ROBO2: variants seen among roughly 807,000 people sequenced by gnomAD.
The protein encoded by ROBO2 is roundabout guidance receptor 2.
A neutral mutation model predicts 160.8 loss-of-function variants in ROBO2; 53 were observed. The ratio of observed to expected loss-of-function variants is 0.33; its 90% confidence interval spans 0.26 to 0.41. ROBO2 has a LOEUF of 0.41. Ranked by LOEUF, ROBO2 falls within the 10% of genes least tolerant of loss-of-function variation. The pLI is 1.00. For missense variants in ROBO2, 1,577 were observed against 1,722.4 expected (o/e 0.92, Z 1.49); for synonymous variants, 664 against 611.7 (o/e 1.09, Z -1.26).
At chr3:76,522,718 A>C (rs764723178) in intron 2 of ROBO2, among the ~76,000 whole-genome samples, 23 of 152,012 alleles carry the variant, frequency 1.5e-4, no homozygotes, top group Non-Finnish European at 3.1e-4. Flanking sequence ...TCTATCCTAC[A>C]TTCACTATAC....
intron 1 of ROBO2, among the ~76,000 whole-genome samples, chr3:77,075,032 C>T (rs1332709121): frequency 6.6e-6 from 1 of 152,124 alleles, no homozygotes; most frequent in Non-Finnish European, 1.5e-5. Context: ...CACATCAAAA[C>T]CTGGCTTTTA....
At chr3:76,994,230 A>G (rs778325639) in intron 2 of ROBO2, among the ~76,000 whole-genome samples, 3 of 152,188 alleles carry the variant, frequency 2.0e-5, no homozygotes, top group Non-Finnish European at 4.4e-5. Context: ...ATCCAACAAC[A>G]ATCAAAACTA....
intron 2 of ROBO2, among the ~76,000 whole-genome samples, chr3:76,929,071 C>G (rs914715665): frequency 6.6e-6 from 1 of 152,056 alleles, no homozygotes; most frequent in African/African-American, 2.4e-5. Context: ...ACCAGCCTGG[C>G]CAACATGGTG....
At chr3:76,929,158 G>T (rs1261315070) in intron 2 of ROBO2, among the ~76,000 whole-genome samples, 4 of 152,204 alleles carry the variant, frequency 2.6e-5, no homozygotes, top group Non-Finnish European at 5.9e-5. Context: ...TACTCTGGAG[G>T]CTGAGACAGG....
intron 17 of ROBO2, among the ~76,000 whole-genome samples, chr3:77,593,278 T>C (rs1288627485): frequency 2.0e-5 from 3 of 152,100 alleles, no homozygotes; most frequent in Admixed American, 2.0e-4. Flanking sequence ...TATACTGTTT[T>C]CACATTGCAT....
chr3:77,445,811 T>TTTG (rs999662928), intron 2 of ROBO2, among the ~76,000 whole-genome samples: 3 of 136,514 alleles, frequency 2.2e-5, no homozygotes, highest in African/African-American at 5.6e-5. Context: ...TTTTTTTTTT[T>TTTG]GCTAATTTTA....
At chr3:76,196,972 A>C (rs2107221822) in intron 2 of ROBO2, among the ~76,000 whole-genome samples, 1 of 152,286 alleles carries the variant, frequency 6.6e-6, no homozygotes, top group South Asian at 2.1e-4. Flanking sequence ...CCGTTTAATG[A>C]TTACATACTT....
At chr3:75,983,999 A>C (rs2065346155) in intron 2 of ROBO2, among the ~76,000 whole-genome samples, 2 of 151,502 alleles carry the variant, frequency 1.3e-5, no homozygotes, top group South Asian at 2.1e-4. Flanking sequence ...AAATAATAGC[A>C]ATCTTTAAAC....
Position 76,471,202 on chromosome 3 carries a change from T to G in ROBO2, c.109+533600T>G, listed in dbSNP as rs143731884. 2.9e-4 allele frequency among the ~76,000 whole-genome samples: 44 copies of G among 152,244 alleles called. No individual in the cohort carries two copies. The East Asian group carries it at 8.5e-3, about 29-fold the overall frequency. Reference sequence around the variant, plus strand: ...GGCAGCGACAAACTATTAGCCAATTTTATATGAAGAAGTCATGGCAGGTAA... The same window carrying G: ...GGCAGCGACAAACTATTAGCCAATTGTATATGAAGAAGTCATGGCAGGTAA... On this transcript the variant is annotated intron_variant, in intron 2 of 26. Coordinates refer to the ROBO2 transcript ENST00000487694.
At chr3:77,536,021 ATAGGAT>A (rs1406827278) in intron 6 of ROBO2, among the ~76,000 whole-genome samples, 1 of 152,216 alleles carries the variant, frequency 6.6e-6, no homozygotes, top group African/African-American at 2.4e-5. Flanking sequence ...TAATATGATT[ATAGGAT>A]TAGAGTGGAC....
chr3:76,265,518 G>A (rs552483105), intron 2 of ROBO2, among the ~76,000 whole-genome samples: 11 of 152,152 alleles, frequency 7.2e-5, no homozygotes, highest in South Asian at 4.2e-4. Context: ...AGCAGTAGAC[G>A]GTGTCAGAAA....
Position 77,349,365 on chromosome 3 carries a change from G to A in ROBO2, c.389-128049G>A, listed in dbSNP as rs534152706. 2.6e-5 allele frequency among the ~76,000 whole-genome samples: 4 copies of A among 152,072 alleles called. No homozygotes were observed. The South Asian group carries it at 6.3e-4, about 24-fold the overall frequency. On this transcript the variant is annotated intron_variant, in intron 2 of 25. Coordinates refer to ENST00000461745, the Ensembl canonical transcript of ROBO2. The stretch of plus-strand genomic sequence containing the variant: ...ACTCAATTCTCTTGACTCCTAACCC[G>A]GTTTCCATTCCACTACAATAGGTGC...
chr3:77,161,175 T>TG (rs1258898128), intron 2 of ROBO2, among the ~76,000 whole-genome samples: 1 of 152,162 alleles, frequency 6.6e-6, no homozygotes, highest in East Asian at 1.9e-4. Context: ...AGGTTTTAGT[T>TG]GTTTGTTTAG....
intron 2 of ROBO2, among the ~76,000 whole-genome samples, chr3:76,276,555 GA>G (rs1477994104): frequency 6.6e-6 from 1 of 151,856 alleles, no homozygotes; most frequent in Non-Finnish European, 1.5e-5. Flanking sequence ...ATTGGAATTG[GA>G]ATTTTAATTC....
chr3:76,057,563 C>G (rs187954191), intron 2 of ROBO2, among the ~76,000 whole-genome samples: 54 of 152,278 alleles, frequency 3.5e-4, no homozygotes, highest in Middle Eastern at 3.4e-3. Flanking sequence ...ACATAGTAAG[C>G]TTCCAGGGTG....
chr3:76,887,697 C>A lies in ROBO2; in HGVS notation c.110-210317C>A, dbSNP rs142930864. Among the ~76,000 whole-genome samples, 450 of 152,284 alleles carry A rather than the reference C, an allele frequency of 3.0e-3. 2 individuals are homozygous for A. The highest frequency in any genetic ancestry group is 0.01 in the African/African-American group (424 of 41,570). The stretch of plus-strand genomic sequence containing the variant: ...ATCTGGATCCCAGCCCCAATATTCA[C>A]CTGCAATTACATTATGGATGAAATT... On this transcript the variant is annotated intron_variant, in intron 2 of 26. Coordinates refer to the ROBO2 transcript ENST00000487694.
rs898884283 is a variant in ROBO2 at position 76,060,617 on chromosome 3, G to T, written c.109+123015G>T. Among the ~76,000 whole-genome samples, 7 of 152,168 alleles carry T rather than the reference G, an allele frequency of 4.6e-5. No individual in the cohort carries two copies. In the South Asian group the frequency reaches 1.0e-3, roughly 23 times the overall value. On this transcript the variant is annotated intron_variant, in intron 2 of 26. Coordinates refer to the ROBO2 transcript ENST00000487694. ...TGAGGATTTCCATCCCTAACAATGG[G>T]AAGTATAAATATAATCTGACTGCTG...
intron 2 of ROBO2, among the ~76,000 whole-genome samples, chr3:77,015,331 T>C (rs901617708): frequency 2.6e-5 from 4 of 152,232 alleles, no homozygotes; most frequent in Non-Finnish European, 5.9e-5. Flanking sequence ...GAGCCTTGTG[T>C]ACACGAATGG....
chr3:75,977,591 A>G (rs1049757814), intron 2 of ROBO2, among the ~76,000 whole-genome samples: 1 of 151,550 alleles, frequency 6.6e-6, no homozygotes, highest in Admixed American at 6.6e-5. Context: ...TTAAAATATA[A>G]GGATATGAAT....
Sources: gnomAD v4.1 joint callset for allele counts (sites outside exome capture counted in the v4.1 genomes callset) on GRCh38, gnomAD v4.1.1 for gene constraint, MANE v1.5 for transcripts, NCBI Gene and HGNC (gene_info 2026-07-23, HGNC 2026-07-21) for gene names.